ZNF384: variants seen among roughly 807,000 people sequenced by gnomAD.
ZNF384 encodes the protein zinc finger protein 384, also known as CAG repeat protein 1.
A neutral mutation model predicts 65.0 loss-of-function variants in ZNF384; 20 were observed. That is an observed-to-expected ratio of 0.31 (90% CI 0.22 to 0.45). The LOEUF (loss-of-function observed/expected upper bound fraction) is 0.45. ZNF384 is among the 20% of genes least tolerant of loss of function. The probability of loss-of-function intolerance (pLI) is 1.00; values close to 1 mark genes in which losing one functional copy is unlikely to be tolerated. For synonymous variants in ZNF384, 310 were observed against 303.9 expected, an observed-to-expected ratio of 1.02 and a Z score of -0.21; for missense variants, 549 against 769.4, an observed-to-expected ratio of 0.71 and a Z score of 3.39.
chr12:6,675,275 G>A (rs141197517), intron 7 of ZNF384, among the ~76,000 whole-genome samples: 1 of 152,306 alleles, frequency 6.6e-6, no homozygotes, highest in African/African-American at 2.4e-5. Flanking sequence ...CCAGGCACTA[G>A]GTTAGGCACT....
intron 1 of ZNF384, 168 bp from the exon 2 acceptor site, chr12:6,688,394 T>C (rs1347039353): frequency 6.6e-6 from 1 of 152,252 alleles, no homozygotes; most frequent in African/African-American, 2.4e-5. Flanking sequence ...AGTGCTACCC[T>C]CTACGTGGAT....
Position 6,678,713 on chromosome 12 carries a change from T to G in ZNF384, c.305-3A>C. On this transcript the variant is annotated splice_region_variant and splice_polypyrimidine_tract_variant and intron_variant, in intron 4 of 11. Transcript: ENST00000683879. This position sits in a 1 kb window ranked among gnomAD's most constrained non-coding sequence, Gnocchi z 4.9. The stretch of plus-strand genomic sequence containing the variant: ...CCACCTCTGAGAACAGGAGACTCCT[T>G]GATTCAGAGAAGGAAAGAATGTCAC... The G allele has an allele frequency of 6.2e-7, 1 of 1,613,944 alleles. No homozygotes were observed. Among genetic ancestry groups the G allele is most frequent in the Non-Finnish European group, 8.5e-7 (1 of 1,179,892 alleles).
chr12:6,678,588 G>A lies in ZNF384; in HGVS notation c.352+75C>T. The stretch of plus-strand genomic sequence containing the variant: ...CGCCGACCCAACCCAGAGTACACAG[G>A]AAATCCCAAACCCTGTAGAAAAATA... On this transcript the variant is annotated intron_variant, in intron 5 of 11. Coordinates refer to ENST00000683879, the MANE Select transcript of ZNF384 (RefSeq NM_001385745.1). The surrounding 1 kb of genome is among the most constrained non-coding windows in gnomAD (Gnocchi z 4.9). 1.3e-6 allele frequency: 2 copies of A among 1,580,498 alleles called. No individual in the cohort carries two copies. The highest frequency in any genetic ancestry group is 1.7e-5 in the Admixed American group (1 of 57,934).
At chr12:6,683,661 CAA>C (rs550687196) in intron 2 of ZNF384, among the ~76,000 whole-genome samples, 1,368 of 66,626 alleles carry the variant, frequency 0.021, 17 homozygotes, top group African/African-American at 0.05. Context: ...GACCCTGTCT[CAA>C]AAAAAAAAAA....
At chr12:6,670,638 C>G (rs1327247024) in intron 10 of ZNF384, 122 bp downstream of exon 10, 1 of 917,476 alleles carries the variant, frequency 1.1e-6, no homozygotes, top group Non-Finnish European at 1.7e-6. Context: ...AACAAAAACT[C>G]TTTGGGTCCC....
chr12:6,669,033 A>C lies in ZNF384; in HGVS notation c.1423T>G (p.Ser475Ala). 2 of 1,605,426 alleles carry C rather than the reference A, an allele frequency of 1.2e-6. No individual in the cohort carries two copies. The highest frequency in any genetic ancestry group is 1.7e-6 in the Non-Finnish European group (2 of 1,174,064). Residue 475 changes from serine to alanine, a missense_variant and splice_region_variant, in exon 11 of 12, where the codon TCA (serine) becomes GCA (alanine). Physicochemically the swap from Ser to Ala is moderately conservative, Grantham distance 99 (BLOSUM62 1). This residue lies in a region of ZNF384 where 136 missense variants were observed against 183.0 expected (regional missense o/e 0.74). Transcript: ENST00000683879. ...TCTICSRAYTSETYLMKHMRK... is the reference protein window; with the variant it reads ...TCTICSRAYTAETYLMKHMRK... ...GAGAGAAGAAACGGAGCACTCACTGATGTGTATGCCCGACTGCAGATAGTG... is the reference window on the plus strand; with the variant it reads ...GAGAGAAGAAACGGAGCACTCACTGCTGTGTATGCCCGACTGCAGATAGTG...
intron 7 of ZNF384, among the ~76,000 whole-genome samples, chr12:6,676,637 T>C (rs557928151): frequency 6.6e-6 from 1 of 152,326 alleles, no homozygotes; most frequent in Admixed American, 6.5e-5. Context: ...TTCCACAAAT[T>C]GTATATAGAT....
At position 6,668,038 on chromosome 12, in the gene ZNF384, C is replaced by CGCTGCT. The variant is rs745367350; in HGVS notation, c.1497_1502dup (p.Ala502_Ala503dup). 7 of 1,613,050 alleles carry CGCTGCT rather than the reference C, an allele frequency of 4.3e-6. No homozygotes were observed. The highest frequency in any genetic ancestry group is 1.1e-5 in the South Asian group (1 of 90,964). On this transcript the variant is annotated inframe_insertion, in exon 12 of 12. Coordinates refer to ENST00000683879, the MANE Select transcript of ZNF384 (RefSeq NM_001385745.1). ...GAGCCTGGGCCTGGGCCACTGCTGC[C>CGCTGCT]GCTGCTGCTGCTGCCTGCACCTGTT...
chr12:6,689,045 G>T (rs948872679), intron 1 of ZNF384, 53 bp downstream of exon 1: 2 of 152,312 alleles, frequency 1.3e-5, no homozygotes, highest in East Asian at 1.9e-4. Flanking sequence ...AAAAGGGGAG[G>T]GGGGAGGAGC....
chr12:6,683,047 T>G (rs1471882042), intron 2 of ZNF384, among the ~76,000 whole-genome samples: 1 of 151,778 alleles, frequency 6.6e-6, no homozygotes, highest in Non-Finnish European at 1.5e-5. Flanking sequence ...TTCCTGCACT[T>G]TGGGAGGCTG....
Position 6,687,401 on chromosome 12 carries a change from G to A in ZNF384, c.-6+766C>T, listed in dbSNP as rs139109499. 1.6e-4 allele frequency among the ~76,000 whole-genome samples: 25 copies of A among 152,212 alleles called. 1 individual carries two copies. Among genetic ancestry groups the A allele is most frequent in the African/African-American group, 5.1e-4 (21 of 41,540 alleles). ...TAAATGATGGATCTGGGGAATGTGA[G>A]GCCAAAATAAATAAATAAGACTGGA... On this transcript the variant is annotated intron_variant, in intron 2 of 11. Transcript: ENST00000683879.
intron 7 of ZNF384, among the ~76,000 whole-genome samples, chr12:6,674,871 T>C (rs921912360): frequency 2.0e-5 from 3 of 152,250 alleles, no homozygotes; most frequent in Non-Finnish European, 4.4e-5. Context: ...TTAGTGCTGA[T>C]GGACAAGCTC....
chr12:6,673,421 T>C lies in ZNF384; in HGVS notation c.799A>G (p.Thr267Ala). The C allele has an allele frequency of 6.2e-7, 1 of 1,613,970 alleles. No individual in the cohort carries two copies. The highest frequency in any genetic ancestry group is 2.2e-5 in the East Asian group (1 of 44,872). ...CDPGCRMCSL[T>A]FYSKSEMQIH... ...TGCATCTCCGACTTGGAGTAGAATG[T>C]CAGTGAGCACATCCGGCACCTGAGC... Residue 267 changes from threonine (T) to alanine (A), a missense_variant, in exon 8 of 12, where the codon ACA (threonine) becomes GCA (alanine). This residue lies in a region of ZNF384 where 277 missense variants were observed against 337.2 expected (regional missense o/e 0.82). Transcript: ENST00000683879. The surrounding 1 kb of genome is among the most constrained non-coding windows in gnomAD (Gnocchi z 4.7).
Position 6,672,193 on chromosome 12 carries a change from T to G in ZNF384, c.1187+157A>C. The G allele has an allele frequency of 1.1e-5, 8 of 699,850 alleles. No individual in the cohort carries two copies. Among genetic ancestry groups the G allele is most frequent in the East Asian group, 2.8e-5 (1 of 35,980 alleles). The allele number at this position is 699,850 out of a possible 1,614,324, so 43.4% of individuals were successfully genotyped here. A position where few individuals can be genotyped will look rare whatever the true frequency, so the allele number is the denominator to read the frequency against. On this transcript the variant is annotated intron_variant, in intron 9 of 11. Coordinates refer to ENST00000683879, the MANE Select transcript of ZNF384 (RefSeq NM_001385745.1). This position sits in a 1 kb window ranked among gnomAD's most constrained non-coding sequence, Gnocchi z 4.4. ...GCTCTGTGTCCACTTGAATCTCCAG[T>G]GTTGTTTGGTCTTCCTTCTCCCAGA...
At chr12:6,683,661 CA>C (rs550687196) in intron 2 of ZNF384, among the ~76,000 whole-genome samples, 8,105 of 66,606 alleles carry the variant, frequency 0.12, 207 homozygotes, top group African/African-American at 0.18. Context: ...GACCCTGTCT[CA>C]AAAAAAAAAA....
At chr12:6,681,606 G>C (rs113613468) in intron 2 of ZNF384, among the ~76,000 whole-genome samples, 1 of 152,282 alleles carries the variant, frequency 6.6e-6, no homozygotes, top group East Asian at 1.9e-4. Context: ...GATACTGAGA[G>C]CTAAAGGGTA....
In ZNF384 at chr12:6,667,321, G is replaced by A; in HGVS notation, c.*393C>T. 2.6e-6 allele frequency: 1 copy of A among 384,230 alleles called. No individual in the cohort carries two copies. The highest frequency in any genetic ancestry group is 4.9e-6 in the Non-Finnish European group (1 of 204,488). 23.8% of individuals were successfully genotyped at this position (384,230 alleles called of 1,614,324 possible). ...TGGGGCTCCCTTTTCTCTGTTATCTGGGAGGGCCAGCCTCTAGTCTTACAT... is the reference window on the plus strand; with the variant it reads ...TGGGGCTCCCTTTTCTCTGTTATCTAGGAGGGCCAGCCTCTAGTCTTACAT... On this transcript the variant is annotated 3_prime_UTR_variant, in exon 12 of 12. Coordinates refer to ENST00000683879, the MANE Select transcript of ZNF384 (RefSeq NM_001385745.1).
At chr12:6,685,839 T>G (rs1378805950) in intron 2 of ZNF384, among the ~76,000 whole-genome samples, 1 of 151,664 alleles carries the variant, frequency 6.6e-6, no homozygotes, top group Non-Finnish European at 1.5e-5. Flanking sequence ...GAGAGTAATT[T>G]TCTCTTAAGA....
intron 11 of ZNF384, 34 bp from the exon 12 acceptor site, chr12:6,668,149 A>C: frequency 1.3e-6 from 2 of 1,525,020 alleles, no homozygotes; most frequent in Non-Finnish European, 1.8e-6. Context: ...TTGAGGGATA[A>C]AGAGGAAGGA....
Sources: allele counts gnomAD v4.1 joint callset (sites outside exome capture counted in the v4.1 genomes callset), GRCh38; gene constraint gnomAD v4.1.1; regional missense constraint gnomAD v4.1.1; non-coding constraint Gnocchi (gnomAD v3.1); transcripts MANE v1.5; gene names NCBI Gene and HGNC (gene_info 2026-07-23, HGNC 2026-07-21).